MORC3: variants seen among roughly 807,000 people sequenced by gnomAD.
MORC3 encodes the protein MORC family CW-type zinc finger 3.
MORC3 carries 31 observed loss-of-function variants against 109.1 expected under a neutral mutation model. The ratio of observed to expected loss-of-function variants is 0.28; its 90% CI spans 0.21 to 0.38. The LOEUF is 0.38. MORC3 is among the 10% of genes least tolerant of loss of function. The pLI, the probability that MORC3 is intolerant of heterozygous loss-of-function variation, is 1.00. For synonymous variants in MORC3, 395 were observed against 380.7 expected (o/e 1.04, Z -0.44); for missense variants, 867 against 1,135.8 (o/e 0.76, Z 3.40).
intron 1 of MORC3, among the ~76,000 whole-genome samples, chr21:36,327,578 A>G (rs2085263508): frequency 6.6e-6 from 1 of 151,448 alleles, no homozygotes; most frequent in African/African-American, 2.5e-5. Context: ...AACAAAGAAC[A>G]AAAAGCAGAT....
In MORC3 at chr21:36,375,385, TA is replaced by T. The variant is rs1186828382; in HGVS notation, c.*90del. 1 of 1,199,742 alleles carries T rather than the reference TA, an allele frequency of 8.3e-7. No individual in the cohort carries two copies. The highest frequency in any genetic ancestry group is 1.5e-5 in the African/African-American group (1 of 64,872). The allele number at this position is 1,199,742 out of a possible 1,614,324, so 74.3% of individuals were successfully genotyped here. ...AATTAATTTTGTTTTATAGATATGA[TA>T]GGCAACAGACTGAAAACCATAATCT... On this transcript the variant is annotated 3_prime_UTR_variant, in exon 17 of 17. Transcript: ENST00000400485.
At chr21:36,354,485 A>G (rs1366309634) in intron 9 of MORC3, among the ~76,000 whole-genome samples, 1 of 151,000 alleles carries the variant, frequency 6.6e-6, no homozygotes, top group African/African-American at 2.5e-5. Flanking sequence ...TTGTGTGTTT[A>G]GTAGAGATGG....
chr21:36,372,548 C>A lies in MORC3; in HGVS notation c.2666+17C>A. The A allele has an allele frequency of 6.4e-7, 1 of 1,558,938 alleles. No homozygotes were observed. Among genetic ancestry groups the A allele is most frequent in the Non-Finnish European group, 8.6e-7 (1 of 1,160,758 alleles). ...TGGAGAAAGGTAATATTAAATGAGGCGTTTTTGTGGGGCTGCAATTATGGT... is the reference window on the plus strand; with the variant it reads ...TGGAGAAAGGTAATATTAAATGAGGAGTTTTTGTGGGGCTGCAATTATGGT... On this transcript the variant is annotated intron_variant, in intron 16 of 16. Transcript: ENST00000400485.
intron 8 of MORC3, among the ~76,000 whole-genome samples, chr21:36,348,566 C>T (rs1170564664): frequency 6.6e-6 from 1 of 152,212 alleles, no homozygotes; most frequent in Non-Finnish European, 1.5e-5. Context: ...TGCCACCACA[C>T]CCGGCTAATT....
intron 1 of MORC3, among the ~76,000 whole-genome samples, chr21:36,321,516 T>C (rs1006899188): frequency 1.3e-5 from 2 of 152,112 alleles, no homozygotes; most frequent in African/African-American, 2.4e-5. Context: ...CTTTAGTAGT[T>C]TGAAAATAGA....
chr21:36,333,784 G>GTT, intron 2 of MORC3, 66 bp downstream of exon 2: 20 of 1,258,372 alleles, frequency 1.6e-5, no homozygotes, highest in South Asian at 2.7e-5. Flanking sequence ...TTTTTGTTTT[G>GTT]TTTTGTTTTT....
intron 5 of MORC3, among the ~76,000 whole-genome samples, chr21:36,339,905 G>A (rs1288124637): frequency 6.6e-6 from 1 of 152,114 alleles, no homozygotes; most frequent in East Asian, 1.9e-4. Flanking sequence ...GGTAATTGTA[G>A]ATTCATGTGT....
intron 1 of MORC3, among the ~76,000 whole-genome samples, chr21:36,327,615 GATAA>G (rs908726767): frequency 2.0e-5 from 3 of 151,200 alleles, no homozygotes; most frequent in Non-Finnish European, 2.9e-5. Flanking sequence ...AAAAACAATA[GATAA>G]ATAACTGACT....
At chr21:36,364,642 G>A (rs1308653173) in intron 14 of MORC3, among the ~76,000 whole-genome samples, 2 of 150,132 alleles carry the variant, frequency 1.3e-5, no homozygotes, top group East Asian at 2.0e-4. Context: ...GCAAAACTCC[G>A]TCTCAAAAAA....
At position 36,369,179 on chromosome 21, in the gene MORC3, A is replaced by G; in HGVS notation, c.1811A>G (p.Glu604Gly). 1.2e-6 allele frequency: 2 copies of G among 1,614,196 alleles called. No homozygotes were observed. The highest frequency in any genetic ancestry group is 1.1e-5 in the South Asian group (1 of 91,088). ...ATGAAATCAGAACAGAGTCACGTTGAGCAAGGTGGTGTTCAGGTTGAGTTT... is the reference window on the plus strand; with the variant it reads ...ATGAAATCAGAACAGAGTCACGTTGGGCAAGGTGGTGTTCAGGTTGAGTTT... The part of the protein sequence containing the change: ...IDMKSEQSHV[E>G]QGGVQVEFVG... The change falls in exon 15 of 17, where the codon GAG (glutamate) becomes GGG (glycine). Residue 604 changes from glutamate (E) to glycine (G), a missense_variant. By Grantham distance (98) the Glu-to-Gly change is moderately conservative (BLOSUM62 -2). Transcript: ENST00000400485.
intron 2 of MORC3, among the ~76,000 whole-genome samples, chr21:36,335,316 T>C (rs1268109858): frequency 7.6e-6 from 1 of 131,230 alleles, no homozygotes; most frequent in East Asian, 2.0e-4. Context: ...AGGAATTTTT[T>C]TTTTTTTTTT....
At chr21:36,325,234 G>T (rs1337004999) in intron 1 of MORC3, among the ~76,000 whole-genome samples, 1 of 152,054 alleles carries the variant, frequency 6.6e-6, no homozygotes, top group Non-Finnish European at 1.5e-5. Flanking sequence ...TTTAAAAAAC[G>T]AGAACAACAA....
chr21:36,338,077 T>A (rs1034467121), intron 4 of MORC3, 131 bp downstream of exon 4: 4 of 886,828 alleles, frequency 4.5e-6, no homozygotes, highest in Non-Finnish European at 6.9e-6. Flanking sequence ...CTCTGTCCTC[T>A]GCATTTACCC....
chr21:36,342,054 T>A (rs976358607), intron 6 of MORC3, among the ~76,000 whole-genome samples: 1 of 152,060 alleles, frequency 6.6e-6, no homozygotes, highest in Non-Finnish European at 1.5e-5. Flanking sequence ...GGTCTTGAAC[T>A]CCGTCTCTAC....
rs757535761 is a variant in MORC3, at chr21:36,359,947, T to G, written c.1209-8T>G. 2 of 1,614,074 alleles carry G rather than the reference T, an allele frequency of 1.2e-6. No homozygotes were observed. Among genetic ancestry groups the G allele is most frequent in the Non-Finnish European group, 1.7e-6 (2 of 1,179,950 alleles). ...CTGTGTTAATATTTTGTTCTTGTTT[T>G]GGGACAGGAAGCGTCCTGATCAGAC... is the stretch of plus-strand genomic sequence containing the variant. On this transcript the variant is annotated splice_region_variant and splice_polypyrimidine_tract_variant and intron_variant, in intron 10 of 16. Coordinates refer to ENST00000400485, the MANE Select transcript of MORC3 (RefSeq NM_015358.3).
Position 36,341,040 on chromosome 21 carries a change from A to G in MORC3, c.609-359A>G, listed in dbSNP as rs117967779. On this transcript the variant is annotated intron_variant, in intron 5 of 16. Coordinates refer to ENST00000400485, the MANE Select transcript of MORC3 (RefSeq NM_015358.3). Reference sequence around the variant, plus strand: ...GGTTTGTAGTTTTGGGATATTACAAATAAAGCTGTAAACATTTGTGTACAC... The same window carrying G: ...GGTTTGTAGTTTTGGGATATTACAAGTAAAGCTGTAAACATTTGTGTACAC... Among the ~76,000 whole-genome samples the G allele has an allele frequency of 3.3e-5, 5 of 152,362 alleles. No homozygotes were observed. In the East Asian group the frequency reaches 9.6e-4, roughly 29 times the overall value.
At chr21:36,373,055 A>C (rs2085887913) in intron 16 of MORC3, among the ~76,000 whole-genome samples, 1 of 152,206 alleles carries the variant, frequency 6.6e-6, no homozygotes, top group Non-Finnish European at 1.5e-5. Flanking sequence ...AAACAAGTAG[A>C]TAGGCCAGGC....
intron 9 of MORC3, among the ~76,000 whole-genome samples, chr21:36,354,877 C>A (rs552997019): frequency 2.0e-5 from 3 of 152,294 alleles, no homozygotes; most frequent in African/African-American, 7.2e-5. Context: ...GGTGTCTGTT[C>A]GCTCTTGAAT....
chr21:36,368,962 T>G, intron 14 of MORC3, 26 bp from the exon 15 acceptor site: 4 of 1,529,788 alleles, frequency 2.6e-6, no homozygotes, highest in East Asian at 4.7e-5. Flanking sequence ...TATAATCTTA[T>G]GTTTTATGTA....
Sources: gnomAD v4.1 joint callset for allele counts (sites outside exome capture counted in the v4.1 genomes callset) on GRCh38, gnomAD v4.1.1 for gene constraint, MANE v1.5 for transcripts, NCBI Gene and HGNC (gene_info 2026-07-23, HGNC 2026-07-21) for gene names.